Variants in FUNDC1 observed in about 807,000 individuals in gnomAD.
FUNDC1 encodes FUN14 domain-containing protein 1.
A neutral mutation model predicts 14.5 loss-of-function variants in FUNDC1; 10 were observed. The observed-to-expected ratio is 0.69, with a 90% CI of 0.43 to 1.17. The LOEUF is 1.17. Among genes scored for constraint, FUNDC1 ranks in the 50% most tolerant of loss-of-function variants. The pLI, the probability that FUNDC1 is intolerant of heterozygous loss-of-function variation, is 0.00. For synonymous variants in FUNDC1, 33 were observed against 39.7 expected (o/e 0.83, Z 0.64); for missense variants, 115 against 113.8 (o/e 1.01, Z -0.05).
Position 44,524,122 on chromosome X carries a change from G to T in FUNDC1, c.*76C>A. ...CTTGCCCTAGAGACTCTGGCAGTAT[G>T]ACTTTTGAGAGACTGCCTTATTGCT... On this transcript the variant is annotated 3_prime_UTR_variant, in exon 5 of 5. Coordinates refer to ENST00000378045, the MANE Select transcript of FUNDC1 (RefSeq NM_173794.4). The T allele has an allele frequency of 1.5e-6, 1 of 672,389 alleles. No individual in the cohort carries two copies. Among genetic ancestry groups the T allele is most frequent in the Non-Finnish European group, 2.4e-6 (1 of 412,749 alleles). 55.4% of individuals were successfully genotyped at this position (672,389 alleles called of 1,213,427 possible).
Position 44,535,466 on chromosome X carries a change from G to T in FUNDC1, c.261+3001C>A, listed in dbSNP as rs139655238. On this transcript the variant is annotated intron_variant, in intron 3 of 4. Coordinates refer to ENST00000378045, the MANE Select transcript of FUNDC1 (RefSeq NM_173794.4). ...GCAGATCATGAGGTCAGGAGATCGA[G>T]ATCATCCTGGCTAACAGAGCAAAAC... Among the ~76,000 whole-genome samples the T allele has an allele frequency of 1.7e-4, 18 of 107,433 alleles. No homozygotes were observed. The East Asian group carries it at 5.0e-3, about 30-fold the overall frequency. 93.3% of individuals were successfully genotyped at this position (107,433 alleles called of 115,157 possible).
At chrX:44,532,529 ATG>A (rs200354418) in intron 3 of FUNDC1, among the ~76,000 whole-genome samples, 2 of 105,937 alleles carry the variant, frequency 1.9e-5, no homozygotes, top group East Asian at 2.9e-4. Context: ...AAATATATAT[ATG>A]TGTGTGTGTG....
chrX:44,535,098 T>C (rs1052425579), intron 3 of FUNDC1, among the ~76,000 whole-genome samples: 1 of 110,453 alleles, frequency 9.1e-6, no homozygotes, highest in East Asian at 2.9e-4. Context: ...GTGAGTGAGA[T>C]TGTACCACTG....
At chrX:44,528,817 C>T (rs1316857183) in intron 3 of FUNDC1, among the ~76,000 whole-genome samples, 2 of 112,241 alleles carry the variant, frequency 1.8e-5, no homozygotes, top group Non-Finnish European at 3.8e-5. Flanking sequence ...CTGTCTCAGC[C>T]TCCCGAGTAG....
chrX:44,527,183 A>G, intron 4 of FUNDC1, 54 bp downstream of exon 4: 1 of 1,007,161 alleles, frequency 9.9e-7, no homozygotes, highest in South Asian at 2.4e-5. Context: ...AGGGATACCC[A>G]TTAACCAAAA....
intron 2 of FUNDC1, among the ~76,000 whole-genome samples, chrX:44,541,506 C>T (rs1203049633): frequency 1.8e-5 from 2 of 111,870 alleles, no homozygotes; most frequent in African/African-American, 6.5e-5. Context: ...TCATACTGAG[C>T]ATTTTACACT....
intron 2 of FUNDC1, among the ~76,000 whole-genome samples, 180 bp downstream of exon 2, chrX:44,541,765 G>A (rs1338137418): frequency 1.8e-5 from 2 of 110,769 alleles, no homozygotes; most frequent in Non-Finnish European, 3.8e-5. Flanking sequence ...GGAGGGGATC[G>A]CCAAAACTCA....
chrX:44,536,823 A>G (rs943433211), intron 3 of FUNDC1, among the ~76,000 whole-genome samples: 1 of 111,891 alleles, frequency 8.9e-6, no homozygotes, highest in African/African-American at 3.2e-5. Context: ...AATTATAAGG[A>G]TGTATAACTC....
In FUNDC1 at chrX:44,533,426, G is replaced by A. The variant is rs188445997; in HGVS notation, c.261+5041C>T. Reference sequence around the variant, plus strand: ...AGGCAGATCATGAGGTCAGGAGATCGAGACCATCCTGGCTAACACAATGAA... The same window carrying A: ...AGGCAGATCATGAGGTCAGGAGATCAAGACCATCCTGGCTAACACAATGAA... On this transcript the variant is annotated intron_variant, in intron 3 of 4. Coordinates refer to ENST00000378045, the MANE Select transcript of FUNDC1 (RefSeq NM_173794.4). Among the ~76,000 whole-genome samples the A allele has an allele frequency of 3.0e-3, 321 of 108,389 alleles. 5 individuals are homozygous for A. The highest frequency in any genetic ancestry group is 0.026 in the Admixed American group (259 of 10,050). The allele number at this position is 108,389 out of a possible 115,157, so 94.1% of individuals were successfully genotyped here.
At chrX:44,527,066 A>AT (rs2038905335) in intron 4 of FUNDC1, among the ~76,000 whole-genome samples, 171 bp downstream of exon 4, 1 of 108,683 alleles carries the variant, frequency 9.2e-6, no homozygotes, top group African/African-American at 3.3e-5. Flanking sequence ...ATAATGACTG[A>AT]TTTAAGTAGT....
chrX:44,531,167 CAGGAGTTCAAGGCTGCAGTGACCCAT>C (rs1204529164), intron 3 of FUNDC1, among the ~76,000 whole-genome samples: 7 of 107,546 alleles, frequency 6.5e-5, no homozygotes, highest in African/African-American at 2.4e-4. Flanking sequence ...GCTTGAGCCT[CAGGAGTTCAAGGCTGCAGTGACCCAT>C]GGTCACGCCA....
intron 3 of FUNDC1, among the ~76,000 whole-genome samples, chrX:44,533,525 G>A (rs1367533350): frequency 1.9e-5 from 2 of 106,430 alleles, no homozygotes; most frequent in East Asian, 5.9e-4. Flanking sequence ...CTACTCGGGA[G>A]GCTGAGGCAG....
At chrX:44,533,582 C>T (rs1209932040) in intron 3 of FUNDC1, among the ~76,000 whole-genome samples, 2 of 88,039 alleles carry the variant, frequency 2.3e-5, no homozygotes, top group Non-Finnish European at 4.2e-5. Flanking sequence ...GAGCCGAGAT[C>T]GTGCCACTGC....
chrX:44,526,487 A>AG (rs66536007), intron 4 of FUNDC1, among the ~76,000 whole-genome samples: 8,707 of 89,419 alleles, frequency 0.097, 487 homozygotes, highest in Non-Finnish European at 0.14. Flanking sequence ...AAAATAAAAA[A>AG]GGGGGGGGGG....
chrX:44,532,477 T>C (rs1034118383), intron 3 of FUNDC1, among the ~76,000 whole-genome samples: 1 of 107,110 alleles, frequency 9.3e-6, no homozygotes, highest in African/African-American at 3.4e-5. Flanking sequence ...ATGGGGATAG[T>C]AGGAATACTT....
chrX:44,540,560 T>C (rs1188320953), intron 2 of FUNDC1, among the ~76,000 whole-genome samples: 2 of 111,565 alleles, frequency 1.8e-5, no homozygotes, highest in Non-Finnish European at 3.8e-5. Context: ...CATTGCTTGA[T>C]GGCATCAGTC....
intron 3 of FUNDC1, among the ~76,000 whole-genome samples, chrX:44,528,208 C>A (rs1053858844): frequency 2.7e-5 from 3 of 111,882 alleles, no homozygotes; most frequent in African/African-American, 9.7e-5. Context: ...GCCATTTGCA[C>A]CCTGAATGAA....
At chrX:44,531,315 GACACACACACAC>G (rs766982993) in intron 3 of FUNDC1, among the ~76,000 whole-genome samples, 117 of 18,853 alleles carry the variant, frequency 6.2e-3, no homozygotes, top group East Asian at 0.027. Flanking sequence ...ATGTTGGCCA[GACACACACACAC>G]ACACACACAC....
chrX:44,538,554 T>C lies in FUNDC1; in HGVS notation c.186-12A>G, dbSNP rs1044694439. The C allele has an allele frequency of 3.4e-6, 4 of 1,159,654 alleles. No homozygotes were observed. Among genetic ancestry groups the C allele is most frequent in the Non-Finnish European group, 3.5e-6 (3 of 849,796 alleles). On this transcript the variant is annotated splice_polypyrimidine_tract_variant and intron_variant, in intron 2 of 4. Transcript: ENST00000378045. ...GAAATCCTGCACACCTTTAATCAAA[T>C]AACAAAAGATGAAAACAATCAATTA... is the stretch of plus-strand genomic sequence containing the variant.
Sources: gnomAD v4.1 joint callset for allele counts (sites outside exome capture counted in the v4.1 genomes callset) on GRCh38, gnomAD v4.1.1 for gene constraint, MANE v1.5 for transcripts, NCBI Gene and HGNC (gene_info 2026-07-23, HGNC 2026-07-21) for gene names.